The following TEX11 variants were observed in gnomAD, a reference collection of about 807,000 sequenced individuals.
TEX11 encodes the protein testis expressed 11.
A neutral mutation model predicts 84.4 loss-of-function variants in TEX11; 7 were observed. The ratio of observed to expected loss-of-function variants is 0.08; its 90% confidence interval spans 0.05 to 0.16. The LOEUF (loss-of-function observed/expected upper bound fraction) is 0.16. Among genes scored for constraint, TEX11 ranks in the 10% least tolerant of loss-of-function variants. TEX11 has a pLI of 1.00. For missense variants in TEX11, 551 were observed against 660.5 expected, an observed-to-expected ratio of 0.83 and a Z score of 1.82; for synonymous variants, 264 against 222.8, an observed-to-expected ratio of 1.18 and a Z score of -1.64.
At chrX:70,818,696 C>T (rs1255852519) in intron 8 of TEX11, among the ~76,000 whole-genome samples, 1 of 110,673 alleles carries the variant, frequency 9.0e-6, no homozygotes, top group Admixed American at 9.7e-5. Flanking sequence ...CACTCCCTAG[C>T]CCTAGAACCA....
downstream of TEX11, among the ~76,000 whole-genome samples, chrX:70,524,757 G>T (rs932898496): frequency 6.2e-5 from 7 of 112,004 alleles, no homozygotes; most frequent in Non-Finnish European, 1.3e-4. Flanking sequence ...GTAGAGACGG[G>T]GTTTCTCCAT....
intron 20 of TEX11, among the ~76,000 whole-genome samples, chrX:70,621,332 C>CCAACA (rs1436805210): frequency 6.8e-5 from 7 of 103,680 alleles, no homozygotes; most frequent in Non-Finnish European, 1.4e-4. Context: ...ACTAGCCTGG[C>CCAACA]CAACATAGTG....
chrX:70,788,685 A>AACACACACACACAC (rs753573687), intron 9 of TEX11, among the ~76,000 whole-genome samples: 16 of 69,450 alleles, frequency 2.3e-4, no homozygotes, highest in African/African-American at 6.6e-4. Context: ...TCTCTTGGGA[A>AACACACACACACAC]ACACACACAC....
chrX:70,709,463 G>A (rs1054601800), intron 13 of TEX11, among the ~76,000 whole-genome samples: 19 of 110,965 alleles, frequency 1.7e-4, no homozygotes, highest in African/African-American at 2.3e-4. Context: ...CCTCAAGTAC[G>A]TATTATTACA....
At chrX:70,896,200 T>C (rs1417412474) in intron 2 of TEX11, among the ~76,000 whole-genome samples, 1 of 111,829 alleles carries the variant, frequency 8.9e-6, no homozygotes, top group Non-Finnish European at 1.9e-5. Context: ...CATCAAAAAG[T>C]GGGCAAAGGA....
At chrX:70,659,824 T>C (rs982777430) in intron 16 of TEX11, among the ~76,000 whole-genome samples, 1 of 112,164 alleles carries the variant, frequency 8.9e-6, no homozygotes, top group African/African-American at 3.2e-5. Context: ...AATGAATAGA[T>C]GAAAGGATAA....
intron 3 of TEX11, among the ~76,000 whole-genome samples, chrX:70,879,161 G>A (rs979310493): frequency 6.3e-5 from 7 of 110,759 alleles, no homozygotes; most frequent in Admixed American, 2.9e-4. Context: ...GTTTGTGAAC[G>A]GGTGTGCGGT....
chrX:70,623,144 A>C (rs966537928), intron 20 of TEX11, among the ~76,000 whole-genome samples: 3 of 111,955 alleles, frequency 2.7e-5, no homozygotes, highest in Middle Eastern at 9.2e-3. Flanking sequence ...AGTCAAAGAT[A>C]TATCCAAAAG....
At chrX:70,693,027 G>A (rs923566291) in intron 13 of TEX11, among the ~76,000 whole-genome samples, 1 of 111,220 alleles carries the variant, frequency 9.0e-6, no homozygotes, top group African/African-American at 3.3e-5. Context: ...GATTACCTGA[G>A]GTCAGGAGTT....
rs1044119169 is a variant in TEX11, at chrX:70,588,152, G to C, written c.2140+3599C>G. 2.7e-5 allele frequency among the ~76,000 whole-genome samples: 3 copies of C among 112,020 alleles called. No homozygotes were observed. The Admixed American group carries it at 2.8e-4, about 11-fold the overall frequency. On this transcript the variant is annotated intron_variant, in intron 25 of 29. Coordinates refer to ENST00000374333, the MANE Select transcript of TEX11 (RefSeq NM_031276.3). ...TGTCTCAGATGAGACTTTGAACATG[G>C]ACTTATGAGTTAATGCTGGAATGAA... is the stretch of plus-strand genomic sequence containing the variant.
At chrX:70,630,129 G>A (rs1303103403) in intron 17 of TEX11, among the ~76,000 whole-genome samples, 2 of 110,488 alleles carry the variant, frequency 1.8e-5, no homozygotes, top group Non-Finnish European at 3.8e-5. Context: ...TGGCTAACAC[G>A]GTGAAACCCC....
chrX:70,878,168 C>CTTT (rs34459152), intron 3 of TEX11, among the ~76,000 whole-genome samples: 1,044 of 72,420 alleles, frequency 0.014, 27 homozygotes, highest in African/African-American at 0.035. Flanking sequence ...CTCTATCCCT[C>CTTT]TTTTTTTTTT....
At chrX:70,609,556 G>A (rs1255020853) in intron 21 of TEX11, among the ~76,000 whole-genome samples, 1 of 112,358 alleles carries the variant, frequency 8.9e-6, no homozygotes, top group African/African-American at 3.2e-5. Context: ...AATATTTACT[G>A]AGCCAGCAAG....
chrX:70,724,371 G>T, intron 12 of TEX11: 1 of 223,432 alleles, frequency 4.5e-6, no homozygotes, highest in Non-Finnish European at 6.5e-6. Context: ...TCTAGAGGCC[G>T]CCGAAAGATT....
At chrX:70,603,575 C>T (rs1332689913) in intron 24 of TEX11, among the ~76,000 whole-genome samples, 14 of 108,670 alleles carry the variant, frequency 1.3e-4, no homozygotes, top group African/African-American at 4.3e-4. Flanking sequence ...AAGACTTAAA[C>T]ATTCGACCTA....
chrX:70,671,393 T>C (rs1387170687), intron 15 of TEX11, among the ~76,000 whole-genome samples: 1 of 111,417 alleles, frequency 9.0e-6, no homozygotes, highest in Non-Finnish European at 1.9e-5. Context: ...ACAATTATGC[T>C]AAATAGGTAA....
chrX:70,580,676 T>C (rs2088759987), intron 25 of TEX11, among the ~76,000 whole-genome samples: 1 of 112,656 alleles, frequency 8.9e-6, no homozygotes, highest in African/African-American at 3.2e-5. Flanking sequence ...AAAACAAGCA[T>C]ACATTTTATT....
At position 70,842,232 on chromosome X, in the gene TEX11, G is replaced by A. The variant is rs914385952; in HGVS notation, c.526-8639C>T. 4.5e-5 allele frequency among the ~76,000 whole-genome samples: 5 copies of A among 111,599 alleles called. No individual in the cohort carries two copies. The Admixed American group carries it at 4.8e-4, about 11-fold the overall frequency. On this transcript the variant is annotated intron_variant, in intron 7 of 29. Transcript: ENST00000374333. Reference sequence around the variant, plus strand: ...ATGAACATTGATGCAAAAATCCTCAGTAAAATACTCACAAACCGAATTCAG... The same window carrying A: ...ATGAACATTGATGCAAAAATCCTCAATAAAATACTCACAAACCGAATTCAG...
At chrX:70,620,327 A>G (rs1486518848) in intron 20 of TEX11, among the ~76,000 whole-genome samples, 1 of 111,698 alleles carries the variant, frequency 9.0e-6, no homozygotes, top group African/African-American at 3.3e-5. Flanking sequence ...AAGAAGATAT[A>G]CGATGACAAA....
Sources: allele counts gnomAD v4.1 joint callset (sites outside exome capture counted in the v4.1 genomes callset), GRCh38; gene constraint gnomAD v4.1.1; transcripts MANE v1.5; gene names NCBI Gene and HGNC (gene_info 2026-07-23, HGNC 2026-07-21).